Variants in GALK2 observed in about 807,000 individuals in gnomAD.
GALK2 encodes N-acetylgalactosamine kinase.
GALK2 carries 36 observed loss-of-function variants against 52.4 expected under a neutral mutation model. That is an observed-to-expected ratio of 0.69 (90% confidence interval 0.53 to 0.91). GALK2 has a LOEUF of 0.91. Ranked by LOEUF, GALK2 falls within the 40% of genes least tolerant of loss-of-function variation. The pLI, the probability that GALK2 is intolerant of heterozygous loss-of-function variation, is 0.00. For missense variants in GALK2, 579 were observed against 559.1 expected (o/e 1.04, Z -0.36); for synonymous variants, 176 against 199.1 (o/e 0.88, Z 0.98).
At chr15:49,264,667 A>C (rs901909676) in intron 5 of GALK2, among the ~76,000 whole-genome samples, 17 of 151,868 alleles carry the variant, frequency 1.1e-4, no homozygotes, top group African/African-American at 3.6e-4. Flanking sequence ...TAGAGTTTCC[A>C]GTTTTTCTGT....
upstream of GALK2, chr15:49,170,028 C>A: frequency 2.4e-6 from 1 of 410,714 alleles, no homozygotes; most frequent in Non-Finnish European, 4.3e-6. Context: ...GTCAGCTTCG[C>A]ACGTGCTCTG....
chr15:49,235,529 G>A (rs924587877), intron 3 of GALK2: 57 of 473,672 alleles, frequency 1.2e-4, no homozygotes, highest in Non-Finnish European at 2.2e-4. Flanking sequence ...CAGAGGATAA[G>A]CATTCATGTG....
intron 8 of GALK2, among the ~76,000 whole-genome samples, chr15:49,310,084 TTCC>T: frequency 6.6e-6 from 1 of 152,200 alleles, no homozygotes; most frequent in East Asian, 1.9e-4. Flanking sequence ...TATTCTTTAC[TTCC>T]ATGAGCTCAG....
At chr15:49,217,447 T>C in intron 3 of GALK2, 134 bp downstream of exon 3, 1 of 848,768 alleles carries the variant, frequency 1.2e-6, no homozygotes. Context: ...AAAAAAATTC[T>C]AAGGCCATTA....
At chr15:49,321,046 C>T (rs114017417) in intron 9 of GALK2, among the ~76,000 whole-genome samples, 258 of 152,202 alleles carry the variant, frequency 1.7e-3, no homozygotes, top group African/African-American at 6.0e-3. Context: ...AGCTTACATT[C>T]TCGTGGGGAA....
intron 9 of GALK2, among the ~76,000 whole-genome samples, chr15:49,323,864 T>A (rs1469859222): frequency 2.0e-5 from 3 of 152,154 alleles, no homozygotes; most frequent in African/African-American, 2.4e-5. Context: ...GAGGCTTTTT[T>A]AAAAAATTAA....
intron 3 of GALK2, among the ~76,000 whole-genome samples, chr15:49,363,523 G>A (rs142542824): frequency 1.3e-5 from 2 of 152,270 alleles, no homozygotes; most frequent in East Asian, 1.9e-4. Context: ...GAGCTTTTGG[G>A]CAGAGACGAT....
intron 8 of GALK2, among the ~76,000 whole-genome samples, chr15:49,316,009 C>G (rs2036376913): frequency 6.6e-6 from 1 of 152,136 alleles, no homozygotes. Flanking sequence ...CCCTGATGGA[C>G]TATATTGAGT....
At chr15:49,156,677 G>T in intron 1 of GALK2, 1 of 516,766 alleles carries the variant, frequency 1.9e-6, no homozygotes, top group South Asian at 1.5e-5. Context: ...CACTGTAGAA[G>T]CATTGACACT....
intron 3 of GALK2, among the ~76,000 whole-genome samples, chr15:49,352,357 T>C (rs894397992): frequency 2.6e-5 from 4 of 152,180 alleles, no homozygotes; most frequent in African/African-American, 9.7e-5. Flanking sequence ...TGAGGTCACA[T>C]TGTAACAGGA....
chr15:49,264,426 C>T (rs2141650197), intron 5 of GALK2, among the ~76,000 whole-genome samples: 1 of 152,254 alleles, frequency 6.6e-6, no homozygotes. Context: ...TCCATCAGCT[C>T]CTTTAAGCGC....
At chr15:49,265,360 TAG>T (rs1190876131) in intron 5 of GALK2, among the ~76,000 whole-genome samples, 10 of 152,372 alleles carry the variant, frequency 6.6e-5, no homozygotes, top group South Asian at 2.1e-4. Flanking sequence ...TCCGTGGGCA[TAG>T]GACCCTCTGA....
intron 3 of GALK2, among the ~76,000 whole-genome samples, chr15:49,339,343 A>G (rs1324344435): frequency 6.6e-6 from 1 of 151,934 alleles, no homozygotes; most frequent in Non-Finnish European, 1.5e-5. Flanking sequence ...GTTGATGTTG[A>G]TATTATTCCT....
intron 7 of GALK2, among the ~76,000 whole-genome samples, chr15:49,284,169 T>C (rs894647787): frequency 1.3e-5 from 2 of 152,182 alleles, no homozygotes; most frequent in African/African-American, 4.8e-5. Flanking sequence ...AAGAAGATTT[T>C]TACATGTCTA....
Position 49,299,771 on chromosome 15 carries a change from C to G in GALK2, c.967+7234C>G, listed in dbSNP as rs866759229. Among the ~76,000 whole-genome samples the G allele has an allele frequency of 2.4e-5, 3 of 124,846 alleles. No individual in the cohort carries two copies. The Admixed American group carries it at 2.4e-4, about 10-fold the overall frequency. The allele number at this position is 124,846 out of a possible 152,430, so 81.9% of individuals were successfully genotyped here. ...TCTTTCTTTCTTTCTTTCTTTCTTT[C>G]TTTCTTTCTTTCTTTCTTTCTTTCG... On this transcript the variant is annotated intron_variant, in intron 8 of 9. Transcript: ENST00000560031.
rs1311870176 is a variant in GALK2, at chr15:49,239,280, A to T, written c.417A>T (p.Pro139=). The T allele has an allele frequency of 4.3e-6, 7 of 1,613,944 alleles. No homozygotes were observed. The part of the protein sequence containing the change: ...GMNCLVDGNI[P]PSSGLSSSSA... ...ACTGCCTGGTAGATGGAAATATCCCACCAAGTTCTGGCCTCTCCAGCTCCA... is the reference window on the plus strand; with the variant it reads ...ACTGCCTGGTAGATGGAAATATCCCTCCAAGTTCTGGCCTCTCCAGCTCCA... The change falls in exon 5 of 10, where the codon CCA becomes CCT. Residue 139 remains proline, a synonymous_variant. Transcript: ENST00000560031.
chr15:49,304,225 C>A lies in GALK2; in HGVS notation c.967+11688C>A, dbSNP rs7167989. Among the ~76,000 whole-genome samples, 301 of 152,304 alleles carry A rather than the reference C, an allele frequency of 2.0e-3. 2 individuals are homozygous for A. Among genetic ancestry groups the A allele is most frequent in the African/African-American group, 7.1e-3 (293 of 41,556 alleles). On this transcript the variant is annotated intron_variant, in intron 8 of 9. Transcript: ENST00000560031. ...AGGTTTCCACATAAGTAAGTGTTCT[C>A]TTTGTATACAAAGCAGCTTTTCTTA...
chr15:49,178,506 C>T, intron 1 of GALK2: 1 of 285,624 alleles, frequency 3.5e-6, no homozygotes, highest in South Asian at 4.2e-5. Flanking sequence ...CCATAAGCTG[C>T]ACCCTTAGGA....
intron 9 of GALK2, 111 bp from the exon 10 acceptor site, chr15:49,327,841 C>A: frequency 2.1e-6 from 2 of 970,696 alleles, no homozygotes; most frequent in Non-Finnish European, 1.5e-6. Context: ...CTAAAAACCC[C>A]GCATGTATTT....
Sources: gnomAD v4.1 joint callset for allele counts (sites outside exome capture counted in the v4.1 genomes callset) on GRCh38, gnomAD v4.1.1 for gene constraint, MANE v1.5 for transcripts, NCBI Gene and HGNC (gene_info 2026-07-23, HGNC 2026-07-21) for gene names.